Variants in SLC39A12 observed in about 807,000 individuals in gnomAD.
The protein encoded by SLC39A12 is zinc transporter ZIP12.
SLC39A12 carries 63 observed loss-of-function variants against 71.1 expected under a neutral mutation model. That is an observed-to-expected ratio of 0.89 (90% CI 0.72 to 1.09). The LOEUF (loss-of-function observed/expected upper bound fraction) is 1.09, where lower values mean the gene tolerates loss of function less well. SLC39A12 is among the 50% of genes least tolerant of loss of function. The pLI is 0.00. For missense variants in SLC39A12, 892 were observed against 812.6 expected (o/e 1.10, Z -1.19); for synonymous variants, 351 against 301.3 (o/e 1.16, Z -1.71).
At chr10:18,034,876 G>A (rs1836954609) in intron 12 of SLC39A12, among the ~76,000 whole-genome samples, 1 of 151,362 alleles carries the variant, frequency 6.6e-6, no homozygotes, top group East Asian at 1.9e-4. Context: ...TTGCTTGTCT[G>A]TAAAGTATTT....
Position 18,000,743 on chromosome 10 carries a change from A to G in SLC39A12, c.1677A>G (p.Ile559Met). The stretch of plus-strand genomic sequence containing the variant: ...ATAATTTTGCAGATGGCCTAGCCAT[A>G]GGAGCAGCCTTCTCATCATCATCCG... ...SLHNFADGLA[I>M]GAAFSSSSES... Residue 559 changes from isoleucine (I) to methionine (M), a missense_variant, in exon 11 of 13, where the codon ATA becomes ATG. Ile to Met is a conservative substitution (Grantham distance 10). Coordinates refer to ENST00000377369, the MANE Select transcript of SLC39A12 (RefSeq NM_001145195.2). 6.2e-7 allele frequency: 1 copy of G among 1,614,194 alleles called. No individual in the cohort carries two copies. Among genetic ancestry groups the G allele is most frequent in the Non-Finnish European group, 8.5e-7 (1 of 1,180,010 alleles).
At chr10:17,976,671 C>T (rs560481026) in intron 4 of SLC39A12, among the ~76,000 whole-genome samples, 72 of 152,256 alleles carry the variant, frequency 4.7e-4, no homozygotes, top group Non-Finnish European at 6.9e-4. Flanking sequence ...GTGATCCACC[C>T]GCCTTGGCCT....
chr10:18,027,837 C>G (rs1199852706), intron 12 of SLC39A12, among the ~76,000 whole-genome samples: 2 of 152,234 alleles, frequency 1.3e-5, no homozygotes, highest in South Asian at 2.1e-4. Flanking sequence ...CTTGCACCAT[C>G]ATGTTCCATT....
chr10:18,032,412 T>C (rs940110066), intron 12 of SLC39A12, among the ~76,000 whole-genome samples: 1 of 99,190 alleles, frequency 1.0e-5, no homozygotes, highest in Non-Finnish European at 2.1e-5. Context: ...TTTGAAGCAA[T>C]TGTGAATGGA....
At chr10:17,978,662 C>T (rs1364617670) in intron 5 of SLC39A12, among the ~76,000 whole-genome samples, 2 of 152,134 alleles carry the variant, frequency 1.3e-5, no homozygotes, top group Non-Finnish European at 2.9e-5. Flanking sequence ...CATTTCTTAA[C>T]ATTTAGGGGT....
intron 12 of SLC39A12, among the ~76,000 whole-genome samples, chr10:18,036,786 A>ATTTTTTTTTTTTTTT (rs1407183255): frequency 6.3e-4 from 6 of 9,458 alleles, no homozygotes; most frequent in African/African-American, 1.8e-3. Context: ...ATATATATAT[A>ATTTTTTTTTTTTTTT]TATATATATT....
chr10:17,953,179 C>A lies in SLC39A12; in HGVS notation c.-86-12C>A. On this transcript the variant is annotated splice_polypyrimidine_tract_variant and intron_variant, in intron 1 of 12. Coordinates refer to ENST00000377369, the MANE Select transcript of SLC39A12 (RefSeq NM_001145195.2). ...CAATAATTGAAGGCTTTATTTTTCC[C>A]CTTTACCACAGAAATTCCTTTGGTT... is the stretch of plus-strand genomic sequence containing the variant. 1.4e-6 allele frequency: 2 copies of A among 1,437,418 alleles called. No individual in the cohort carries two copies. The highest frequency in any genetic ancestry group is 2.7e-5 in the South Asian group (2 of 72,944). The allele number at this position is 1,437,418 out of a possible 1,614,324, so 89.0% of individuals were successfully genotyped here. A position where few individuals can be genotyped will look rare whatever the true frequency, so the allele number is the denominator to read the frequency against.
chr10:18,038,356 G>T (rs1347190320), intron 12 of SLC39A12, among the ~76,000 whole-genome samples: 1 of 152,068 alleles, frequency 6.6e-6, no homozygotes, highest in African/African-American at 2.4e-5. Flanking sequence ...GAAAAATAAT[G>T]GATTGGACAA....
intron 4 of SLC39A12, among the ~76,000 whole-genome samples, chr10:17,967,300 T>C (rs1834850838): frequency 6.6e-6 from 1 of 152,206 alleles, no homozygotes. Context: ...GTACCTTCCA[T>C]TAGGAAGCAT....
chr10:17,984,259 A>C (rs1835346614), intron 6 of SLC39A12, among the ~76,000 whole-genome samples: 1 of 152,254 alleles, frequency 6.6e-6, no homozygotes, highest in African/African-American at 2.4e-5. Context: ...ACATGAAAGC[A>C]AGTGAAATAT....
chr10:17,971,126 C>A (rs1386705722), intron 4 of SLC39A12, among the ~76,000 whole-genome samples: 1 of 151,924 alleles, frequency 6.6e-6, no homozygotes, highest in Non-Finnish European at 1.5e-5. Context: ...TATGTTGAAC[C>A]AACCTTGCAT....
intron 6 of SLC39A12, among the ~76,000 whole-genome samples, chr10:17,985,475 A>G (rs984892341): frequency 6.6e-6 from 1 of 151,996 alleles, no homozygotes; most frequent in South Asian, 2.1e-4. Flanking sequence ...AAAAATTGCA[A>G]TGAGCTTTAG....
chr10:17,977,733 G>T (rs534882144), intron 4 of SLC39A12, among the ~76,000 whole-genome samples, 169 bp from the exon 5 acceptor site: 6 of 152,180 alleles, frequency 3.9e-5, no homozygotes, highest in Admixed American at 3.3e-4. Flanking sequence ...AATCCTTGAC[G>T]CAATGGAAGG....
At chr10:17,986,377 AAAC>A (rs1755680668) in intron 6 of SLC39A12, among the ~76,000 whole-genome samples, 1 of 152,198 alleles carries the variant, frequency 6.6e-6, no homozygotes, top group South Asian at 2.1e-4. Context: ...TGGCTTATGT[AAAC>A]AACAGACATC....
Position 17,965,507 on chromosome 10 carries a change from A to G in SLC39A12, c.568A>G (p.Lys190Glu). 6.2e-7 allele frequency: 1 copy of G among 1,614,182 alleles called. No individual in the cohort carries two copies. The part of the protein sequence containing the change: ...SQCMETKTLQ[K>E]KSGIVSSEGA... Reference sequence around the variant, plus strand: ...GTGTATGGAAACCAAAACGCTGCAGAAAAAATCTGGAATAGTGAGCAGTGA... The same window carrying G: ...GTGTATGGAAACCAAAACGCTGCAGGAAAAATCTGGAATAGTGAGCAGTGA... The change falls in exon 4 of 13, where the codon AAA becomes GAA. Residue 190 changes from lysine to glutamate, a missense_variant. Physicochemically the swap from Lys to Glu is moderately conservative, Grantham distance 56. Transcript: ENST00000377369.
Position 17,953,423 on chromosome 10 carries a change from T to G in SLC39A12, c.147T>G (p.Val49=). The G allele has an allele frequency of 6.2e-7, 1 of 1,614,140 alleles. No individual in the cohort carries two copies. Among genetic ancestry groups the G allele is most frequent in the Non-Finnish European group, 8.5e-7 (1 of 1,180,040 alleles). The change falls in exon 2 of 13, where the codon GTT becomes GTG. Residue 49 remains valine (V), a synonymous_variant. Transcript: ENST00000377369. ...GCCAACCGGCAGACCTGCTACAGGTTCTCTCTGCTGGTGACCACCCACCCC... is the reference window on the plus strand; with the variant it reads ...GCCAACCGGCAGACCTGCTACAGGTGCTCTCTGCTGGTGACCACCCACCCC... ...SSGQPADLLQ[V]LSAGDHPPHN...
rs1203267711 is a variant in SLC39A12, at chr10:17,977,784, G to C, written c.752-118G>C. ...AAATGTCCATTCTGTCATCTCTAGG[G>C]CTTAAAAAATGATAAGAATTCTTTG... On this transcript the variant is annotated intron_variant, in intron 4 of 12. Coordinates refer to ENST00000377369, the MANE Select transcript of SLC39A12 (RefSeq NM_001145195.2). 8 of 764,346 alleles carry C rather than the reference G, an allele frequency of 1.0e-5. No individual in the cohort carries two copies. The East Asian group carries it at 2.4e-4, about 23-fold the overall frequency. The allele number at this position is 764,346 out of a possible 1,614,324, so 47.3% of individuals were successfully genotyped here.
At chr10:18,041,722 T>G (rs1209371171) in intron 12 of SLC39A12, among the ~76,000 whole-genome samples, 1 of 111,854 alleles carries the variant, frequency 8.9e-6, no homozygotes, top group Non-Finnish European at 1.8e-5. Flanking sequence ...TACATATGTA[T>G]ATATGTGTAT....
At chr10:17,969,415 C>A (rs1037032224) in intron 4 of SLC39A12, among the ~76,000 whole-genome samples, 3 of 152,126 alleles carry the variant, frequency 2.0e-5, no homozygotes, top group African/African-American at 7.2e-5. Flanking sequence ...CAACAGTGCA[C>A]CAGTGTTCCC....
Sources: gnomAD v4.1 joint callset for allele counts (sites outside exome capture counted in the v4.1 genomes callset) on GRCh38, gnomAD v4.1.1 for gene constraint, MANE v1.5 for transcripts, NCBI Gene and HGNC (gene_info 2026-07-23, HGNC 2026-07-21) for gene names.